LIN52: variants seen among roughly 807,000 people sequenced by gnomAD.
LIN52 encodes the protein protein lin-52 homolog.
LIN52 carries 4 observed loss-of-function variants against 18.5 expected under a neutral mutation model. The ratio of observed to expected loss-of-function variants is 0.22; its 90% CI spans 0.11 to 0.49. The LOEUF (loss-of-function observed/expected upper bound fraction) is 0.49, where lower values mean the gene tolerates loss of function less well. Among genes scored for constraint, LIN52 ranks in the 20% least tolerant of loss-of-function variants. The pLI, the probability that LIN52 is intolerant of heterozygous loss-of-function variation, is 0.97. For missense variants in LIN52, 102 were observed against 139.5 expected (o/e 0.73, Z 1.35); for synonymous variants, 34 against 45.5 (o/e 0.75, Z 1.02).
At chr14:74,097,922 TA>T (rs2060826288) in intron 4 of LIN52, 62 bp downstream of exon 4, 1 of 1,253,058 alleles carries the variant, frequency 8.0e-7, no homozygotes, top group Non-Finnish European at 1.1e-6. Context: ...ACCACCTCTC[TA>T]TTTTTTTTTT....
chr14:74,120,774 TAG>T (rs1414922228), intron 5 of LIN52, among the ~76,000 whole-genome samples: 1 of 147,468 alleles, frequency 6.8e-6, no homozygotes, highest in Non-Finnish European at 1.5e-5. Flanking sequence ...AAAAAAAAAT[TAG>T]CTGGGCTTGG....
chr14:74,130,207 C>A (rs1308617997), intron 5 of LIN52, among the ~76,000 whole-genome samples: 1 of 146,360 alleles, frequency 6.8e-6, no homozygotes, highest in Non-Finnish European at 1.5e-5. Context: ...ATCACCCTGT[C>A]TCAAAAAAAA....
chr14:74,090,372 GTT>G (rs2060765704), intron 1 of LIN52, among the ~76,000 whole-genome samples: 3 of 151,644 alleles, frequency 2.0e-5, no homozygotes, highest in Non-Finnish European at 4.4e-5. Flanking sequence ...GTCTCATTCT[GTT>G]GCCTGGGCTG....
intron 5 of LIN52, among the ~76,000 whole-genome samples, chr14:74,107,839 G>T (rs567099355): frequency 1.1e-3 from 170 of 152,018 alleles, no homozygotes; most frequent in African/African-American, 1.8e-3. Flanking sequence ...GATACATTTG[G>T]TTTTTTTCTC....
intron 5 of LIN52, among the ~76,000 whole-genome samples, chr14:74,164,862 GT>G (rs763356866): frequency 3.3e-5 from 5 of 152,110 alleles, no homozygotes; most frequent in Non-Finnish European, 5.9e-5. Flanking sequence ...AATTACCAAT[GT>G]TTGAGAAAAG....
At chr14:74,137,952 C>G (rs529537575) in intron 5 of LIN52, among the ~76,000 whole-genome samples, 1 of 152,312 alleles carries the variant, frequency 6.6e-6, no homozygotes, top group South Asian at 2.1e-4. Context: ...CTGGTATCCT[C>G]TCCTTCTTCC....
At chr14:74,085,881 A>G (rs1475848168) in intron 1 of LIN52, among the ~76,000 whole-genome samples, 1 of 152,166 alleles carries the variant, frequency 6.6e-6, no homozygotes, top group African/African-American at 2.4e-5. Flanking sequence ...TTATATTTGG[A>G]AGGAATCTTG....
chr14:74,104,017 G>T lies in LIN52; in HGVS notation c.283+2779G>T, dbSNP rs546216278. Among the ~76,000 whole-genome samples, 464 of 151,502 alleles carry T rather than the reference G, an allele frequency of 3.1e-3. 4 individuals carry two copies. The highest frequency in any genetic ancestry group is 0.011 in the African/African-American group (446 of 41,274). ...GGGTTCAAGCGATTCTCCTGCCTCA[G>T]CCTCCCAAGTAGCTGAGATTACAGG... On this transcript the variant is annotated intron_variant, in intron 5 of 5. Transcript: ENST00000555028.
chr14:74,100,741 G>A (rs1402887549), intron 4 of LIN52, among the ~76,000 whole-genome samples: 1 of 152,156 alleles, frequency 6.6e-6, no homozygotes, highest in African/African-American at 2.4e-5. Flanking sequence ...CTCCCAAAGT[G>A]CTAGGATTAC....
At chr14:74,103,733 GTTTTTTTT>G (rs573188668) in intron 5 of LIN52, among the ~76,000 whole-genome samples, 581 of 46,010 alleles carry the variant, frequency 0.013, 15 homozygotes, top group African/African-American at 0.042. Flanking sequence ...GGCCTGGCCA[GTTTTTTTT>G]TTTTTTTTTT....
chr14:74,096,840 A>G (rs1473609971), intron 3 of LIN52, among the ~76,000 whole-genome samples: 1 of 152,166 alleles, frequency 6.6e-6, no homozygotes, highest in Non-Finnish European at 1.5e-5. Flanking sequence ...ATTCTAAATC[A>G]TTATGTCTGG....
At chr14:74,159,251 C>T (rs1270406115) in intron 5 of LIN52, among the ~76,000 whole-genome samples, 2 of 151,274 alleles carry the variant, frequency 1.3e-5, no homozygotes, top group African/African-American at 2.4e-5. Context: ...AAAATCTTAC[C>T]CAAGTTCTCC....
In LIN52 at chr14:74,161,959, T is replaced by G. The variant is rs2061227074; in HGVS notation, c.284-36963T>G. The stretch of plus-strand genomic sequence containing the variant: ...CAGGCTAAGTGACAGAGAAGAAATG[T>G]AGCCTGCTGTTGGGTCCAACTCCAG... On this transcript the variant is annotated intron_variant, in intron 5 of 5. Transcript: ENST00000555028. Among the ~76,000 whole-genome samples, 6 of 152,198 alleles carry G rather than the reference T, an allele frequency of 3.9e-5. No individual in the cohort carries two copies. The South Asian group carries it at 1.2e-3, about 32-fold the overall frequency.
At chr14:74,132,015 C>T (rs557006927) in intron 5 of LIN52, among the ~76,000 whole-genome samples, 2 of 152,312 alleles carry the variant, frequency 1.3e-5, no homozygotes, top group East Asian at 1.9e-4. Flanking sequence ...GTGACAGAAC[C>T]TGGCATCTGA....
intron 2 of LIN52, among the ~76,000 whole-genome samples, chr14:74,092,336 G>A (rs180815639): frequency 4.8e-5 from 7 of 146,582 alleles, no homozygotes; most frequent in South Asian, 2.2e-4. Context: ...ACGGAGTTTC[G>A]CTCTAGTTGC....
At chr14:74,182,923 C>G (rs1182566128) in intron 5 of LIN52, among the ~76,000 whole-genome samples, 1 of 152,082 alleles carries the variant, frequency 6.6e-6, no homozygotes, top group East Asian at 1.9e-4. Flanking sequence ...AGAGAGAAAG[C>G]TTGGAAGGTA....
At chr14:74,195,190 ACACT>A (rs1256483530) in intron 5 of LIN52, among the ~76,000 whole-genome samples, 1 of 152,178 alleles carries the variant, frequency 6.6e-6, no homozygotes, top group Non-Finnish European at 1.5e-5. Flanking sequence ...ACTCTATATA[ACACT>A]CTCTCTCTCC....
At chr14:74,143,287 T>C (rs117996830) in intron 5 of LIN52, among the ~76,000 whole-genome samples, 3,296 of 152,292 alleles carry the variant, frequency 0.022, 58 homozygotes, top group Non-Finnish European at 0.031. Flanking sequence ...TAGTGGCTTA[T>C]GCCTGTAATC....
At chr14:74,096,116 A>G (rs1159789118) in intron 3 of LIN52, 131 bp downstream of exon 3, 5 of 571,254 alleles carry the variant, frequency 8.8e-6, no homozygotes, top group Non-Finnish European at 1.5e-5. Flanking sequence ...GCTGGAGTGC[A>G]GTGGTACGAT....
Sources: allele counts gnomAD v4.1 joint callset (sites outside exome capture counted in the v4.1 genomes callset), GRCh38; gene constraint gnomAD v4.1.1; transcripts MANE v1.5; gene names NCBI Gene and HGNC (gene_info 2026-07-23, HGNC 2026-07-21).